The following ENPP1 variants were observed in gnomAD, a reference collection of about 807,000 sequenced individuals.
ENPP1 encodes ectonucleotide pyrophosphatase/phosphodiesterase 1.
ENPP1 carries 73 observed loss-of-function variants against 122.8 expected under a neutral mutation model. That is an observed-to-expected ratio of 0.59 (90% CI 0.49 to 0.72). The LOEUF is 0.72. Ranked by LOEUF, ENPP1 falls within the 30% of genes least tolerant of loss-of-function variation. The pLI is 0.00. For synonymous variants in ENPP1, 367 were observed against 391.6 expected (o/e 0.94, Z 0.74); for missense variants, 978 against 1,128.1 (o/e 0.87, Z 1.91).
At chr6:131,883,193 G>C (rs111939632) in intron 21 of ENPP1, among the ~76,000 whole-genome samples, 118 of 152,336 alleles carry the variant, frequency 7.7e-4, no homozygotes, top group African/African-American at 2.7e-3. Flanking sequence ...CCCAGAGTAT[G>C]TGTCTGAAGT....
At position 131,808,200 on chromosome 6, in the gene ENPP1, G is replaced by C. The variant is rs768034745; in HGVS notation, c.165G>C (p.Val55=). 3 of 1,509,734 alleles carry C rather than the reference G, an allele frequency of 2.0e-6. No individual in the cohort carries two copies. The highest frequency in any genetic ancestry group is 2.7e-6 in the Non-Finnish European group (3 of 1,129,096). 93.5% of individuals were successfully genotyped at this position (1,509,734 alleles called of 1,614,324 possible). A position where few individuals can be genotyped will look rare whatever the true frequency, so the allele number is the denominator to read the frequency against. Reference sequence around the variant, plus strand: ...CGTCCTTGCTGGCCCCTATGGACGTGGGGGAGGAGCCGCTGGAGAAGGCGG... The same window carrying C: ...CGTCCTTGCTGGCCCCTATGGACGTCGGGGAGGAGCCGCTGGAGAAGGCGG... The part of the protein sequence containing the change: ...AAASLLAPMD[V]GEEPLEKAAR... Residue 55 remains valine, a synonymous_variant, in exon 1 of 25, where the codon GTG becomes GTC. Transcript: ENST00000647893.
At chr6:131,853,141 T>G (rs769234172) in intron 5 of ENPP1, among the ~76,000 whole-genome samples, 5 of 152,188 alleles carry the variant, frequency 3.3e-5, no homozygotes, top group Non-Finnish European at 7.4e-5. Context: ...TGTTCATGTA[T>G]GTAATTTTTG....
At chr6:131,867,041 C>T (rs1782099662) in intron 11 of ENPP1, among the ~76,000 whole-genome samples, 1 of 152,182 alleles carries the variant, frequency 6.6e-6, no homozygotes, top group Admixed American at 6.6e-5. Flanking sequence ...TTTTCTGAGT[C>T]ATCTTCATTT....
intron 1 of ENPP1, chr6:131,827,634 C>A: frequency 1.7e-6 from 1 of 602,308 alleles, no homozygotes. Flanking sequence ...TGACTATTAT[C>A]TGCTTCAGAT....
intron 17 of ENPP1, 145 bp downstream of exon 17, chr6:131,876,008 T>G: frequency 1.4e-6 from 1 of 704,534 alleles, no homozygotes; most frequent in Non-Finnish European, 2.6e-6. Context: ...TCAGACTCAC[T>G]GAAGAAATGT....
chr6:131,875,409 A>G (rs909496901), intron 16 of ENPP1, among the ~76,000 whole-genome samples: 7 of 152,134 alleles, frequency 4.6e-5, no homozygotes, highest in African/African-American at 1.7e-4. Flanking sequence ...ACATTTACCC[A>G]GCACTTTAAC....
At chr6:131,849,858 T>G (rs545956363) in intron 2 of ENPP1, 132 bp from the exon 3 acceptor site, 1 of 720,264 alleles carries the variant, frequency 1.4e-6, no homozygotes, top group Non-Finnish European at 2.5e-6. Flanking sequence ...TTTGCCTTAC[T>G]TTATTACCCC....
At chr6:131,879,490 T>C (rs1156412573) in intron 19 of ENPP1, among the ~76,000 whole-genome samples, 1 of 152,204 alleles carries the variant, frequency 6.6e-6, no homozygotes, top group African/African-American at 2.4e-5. Context: ...TCTCATAATT[T>C]CAATTCTGAA....
intron 18 of ENPP1, chr6:131,877,867 A>AAAAAAAAAAAATC (rs1782254095): frequency 3.3e-5 from 1 of 30,668 alleles, no homozygotes; most frequent in Non-Finnish European, 5.6e-5. Flanking sequence ...AAAAAAAAAA[A>AAAAAAAAAAAATC]TATATATATA....
intron 1 of ENPP1, chr6:131,828,036 G>T (rs1781566453): frequency 7.4e-6 from 5 of 671,756 alleles, no homozygotes; most frequent in Non-Finnish European, 1.4e-5. Flanking sequence ...AACAGTGTGT[G>T]CAAGAGCACC....
intron 5 of ENPP1, among the ~76,000 whole-genome samples, chr6:131,852,920 G>T (rs1562520583): frequency 6.6e-6 from 1 of 151,784 alleles, no homozygotes; most frequent in Admixed American, 6.6e-5. Context: ...TTTGTACAGG[G>T]TCTTCCATAT....
intron 2 of ENPP1, among the ~76,000 whole-genome samples, chr6:131,848,795 C>G (rs912806411): frequency 9.2e-5 from 14 of 152,066 alleles, no homozygotes; most frequent in African/African-American, 3.4e-4. Flanking sequence ...TTAATGAGCT[C>G]CAAGTAATAG....
intron 11 of ENPP1, among the ~76,000 whole-genome samples, chr6:131,867,692 C>G (rs1782107677): frequency 6.6e-6 from 1 of 152,138 alleles, no homozygotes; most frequent in Non-Finnish European, 1.5e-5. Context: ...TGGGTCTAAT[C>G]TAAGTAGTAG....
At chr6:131,879,852 T>A in intron 19 of ENPP1, 28 bp from the exon 20 acceptor site, 1 of 1,600,984 alleles carries the variant, frequency 6.2e-7, no homozygotes, top group Non-Finnish European at 8.6e-7. Context: ...GCACACTAAC[T>A]ACATTTATTT....
chr6:131,877,371 C>G, intron 18 of ENPP1: 1 of 591,088 alleles, frequency 1.7e-6, no homozygotes, highest in Non-Finnish European at 3.0e-6. Flanking sequence ...TTTTTAATTC[C>G]TTGGAGCTGT....
chr6:131,830,580 A>G (rs986239698), intron 1 of ENPP1, among the ~76,000 whole-genome samples: 1 of 152,214 alleles, frequency 6.6e-6, no homozygotes, highest in African/African-American at 2.4e-5. Flanking sequence ...GTAAAAAGTG[A>G]AAGTTCAGTT....
intron 1 of ENPP1, among the ~76,000 whole-genome samples, chr6:131,824,065 C>A (rs1047799220): frequency 6.6e-6 from 1 of 151,482 alleles, no homozygotes; most frequent in Non-Finnish European, 1.5e-5. Flanking sequence ...GTGCAAGAGG[C>A]TGGGGGCTAA....
intron 6 of ENPP1, among the ~76,000 whole-genome samples, chr6:131,855,762 T>TC (rs1452982629): frequency 1.3e-5 from 2 of 152,112 alleles, no homozygotes; most frequent in African/African-American, 4.8e-5. Flanking sequence ...CTTCCTTTTT[T>TC]TTTTTTTTTA....
rs1388581427 is a variant in ENPP1, at chr6:131,894,078, C to G, written c.*3567C>G. 1 of 147,808 alleles carries G rather than the reference C, an allele frequency of 6.8e-6. No individual in the cohort carries two copies. The highest frequency in any genetic ancestry group is 2.0e-4 in the East Asian group (1 of 4,926). 9.2% of individuals were successfully genotyped at this position (147,808 alleles called of 1,614,324 possible). A position where few individuals can be genotyped will look rare whatever the true frequency, so the allele number is the denominator to read the frequency against. ...ACGCCATTCTCCTGGCTCAGCCTCCCGAGTAACTGGGACTACAGGCACCTG... is the reference window on the plus strand; with the variant it reads ...ACGCCATTCTCCTGGCTCAGCCTCCGGAGTAACTGGGACTACAGGCACCTG... On this transcript the variant is annotated 3_prime_UTR_variant, in exon 25 of 25. Coordinates refer to ENST00000647893, the MANE Select transcript of ENPP1 (RefSeq NM_006208.3).
Sources: allele counts gnomAD v4.1 joint callset (sites outside exome capture counted in the v4.1 genomes callset), GRCh38; gene constraint gnomAD v4.1.1; transcripts MANE v1.5; gene names NCBI Gene and HGNC (gene_info 2026-07-23, HGNC 2026-07-21).